The following NOL9 variants were observed in gnomAD, a reference collection of about 807,000 sequenced individuals.
NOL9 encodes polynucleotide 5'-hydroxyl-kinase NOL9.
NOL9 carries 28 observed loss-of-function variants against 67.9 expected under a neutral mutation model. The ratio of observed to expected loss-of-function variants is 0.41; its 90% CI spans 0.31 to 0.57. NOL9 has a LOEUF of 0.57. Among genes scored for constraint, NOL9 ranks in the 20% least tolerant of loss-of-function variants. The probability of loss-of-function intolerance (pLI) is 0.25; values close to 1 mark genes in which losing one functional copy is unlikely to be tolerated. For missense variants in NOL9, 777 were observed against 897.0 expected, an observed-to-expected ratio of 0.87 and a Z score of 1.71; for synonymous variants, 356 against 352.2, an observed-to-expected ratio of 1.01 and a Z score of -0.12.
chr1:6,522,146 C>T lies in NOL9; in HGVS notation c.*3708G>A, dbSNP rs1026015266. 1.3e-5 allele frequency: 2 copies of T among 151,888 alleles called. No individual in the cohort carries two copies. The highest frequency in any genetic ancestry group is 4.8e-5 in the African/African-American group (2 of 41,332). 9.4% of individuals were successfully genotyped at this position (151,888 alleles called of 1,614,324 possible). On this transcript the variant is annotated 3_prime_UTR_variant, in exon 12 of 12. Coordinates refer to ENST00000377705, the MANE Select transcript of NOL9 (RefSeq NM_024654.5). Reference sequence around the variant, plus strand: ...GGATCACGAGGTCAGGAGCTCGAGACCAGCCTAGCCAACATAGTAAAACCC... The same window carrying T: ...GGATCACGAGGTCAGGAGCTCGAGATCAGCCTAGCCAACATAGTAAAACCC...
intron 7 of NOL9, 100 bp from the exon 8 acceptor site, chr1:6,532,860 A>C: frequency 1.7e-6 from 2 of 1,152,746 alleles, no homozygotes; most frequent in South Asian, 1.6e-5. Context: ...ATTTGTTCTA[A>C]GACAAAGAAA....
Position 6,554,394 on chromosome 1 carries a change from G to A in NOL9, c.109C>T (p.Leu37Phe). ...CGACCGCACCAGCGCAGGCTCCCGA[G>A]CCGGCGGCGGGGCCGGCGGCTGAGG... is the stretch of plus-strand genomic sequence containing the variant. ...LILSRRPRRR[L>F]GSLRWCGRRR... Residue 37 changes from leucine (L) to phenylalanine (F), a missense_variant, in exon 1 of 12, where the codon CTC becomes TTC. Transcript: ENST00000377705. 6.7e-7 allele frequency: 1 copy of A among 1,495,302 alleles called. No homozygotes were observed. Among genetic ancestry groups the A allele is most frequent in the Non-Finnish European group, 8.8e-7 (1 of 1,135,588 alleles). The allele number at this position is 1,495,302 out of a possible 1,614,324, so 92.6% of individuals were successfully genotyped here. A position where few individuals can be genotyped will look rare whatever the true frequency, so the allele number is the denominator to read the frequency against.
intron 1 of NOL9, among the ~76,000 whole-genome samples, chr1:6,552,279 G>A (rs115586802): frequency 0.013 from 1,916 of 152,188 alleles, 31 homozygotes; most frequent in African/African-American, 0.034. Flanking sequence ...ATGTACCCTG[G>A]AACTTAAAAG....
Position 6,532,055 on chromosome 1 carries a change from T to G in NOL9, c.1560A>C (p.Arg520=). The G allele has an allele frequency of 6.2e-7, 1 of 1,614,174 alleles. No individual in the cohort carries two copies. Among genetic ancestry groups the G allele is most frequent in the South Asian group, 1.1e-5 (1 of 91,086 alleles). The change falls in exon 9 of 12, where the codon CGA becomes CGC. Residue 520 remains arginine (R), a synonymous_variant. Coordinates refer to ENST00000377705, the MANE Select transcript of NOL9 (RefSeq NM_024654.5). ...TAAGGTAACTCAAGATGGACAGATCTCGAAGAATTTTGTTATGTGACTCTC... is the reference window on the plus strand; with the variant it reads ...TAAGGTAACTCAAGATGGACAGATCGCGAAGAATTTTGTTATGTGACTCTC... The part of the protein sequence containing the change: ...RNRESHNKIL[R]DLSILSYLSQ...
chr1:6,533,451 T>A lies in NOL9; in HGVS notation c.1076-10A>T. ...TGAGTGAAAGGTGGTCCTAAAAAGA[T>A]AAAGATGAGTAATCAGATGAGTAAG... On this transcript the variant is annotated splice_polypyrimidine_tract_variant and intron_variant, in intron 6 of 11. Transcript: ENST00000377705. 1 of 1,568,944 alleles carries A rather than the reference T, an allele frequency of 6.4e-7. No homozygotes were observed. Among genetic ancestry groups the A allele is most frequent in the Non-Finnish European group, 8.7e-7 (1 of 1,153,214 alleles).
chr1:6,546,748 GT>G (rs1471655933), intron 3 of NOL9, among the ~76,000 whole-genome samples: 1 of 152,066 alleles, frequency 6.6e-6, no homozygotes, highest in African/African-American at 2.4e-5. Flanking sequence ...GTTCCAGCAT[GT>G]TTTTTTCATC....
chr1:6,543,237 C>G (rs1236281069), intron 5 of NOL9, among the ~76,000 whole-genome samples: 2 of 151,510 alleles, frequency 1.3e-5, no homozygotes, highest in African/African-American at 2.4e-5. Flanking sequence ...GCTCTGTCGC[C>G]CACGCTGGAG....
Position 6,554,447 on chromosome 1 carries a change from C to T in NOL9, c.56G>A (p.Arg19Gln), listed in dbSNP as rs1298747253. ...GAGCTGGGGCCGGGCCTTGCGGACCCGCAGCCAAGTGGAACGGCAGGAACC... is the reference window on the plus strand; with the variant it reads ...GAGCTGGGGCCGGGCCTTGCGGACCTGCAGCCAAGTGGAACGGCAGGAACC... ...KRGSCRSTWL[R>Q]VRKARPQLIL... The change falls in exon 1 of 12, where the codon CGG (arginine) becomes CAG (glutamine). Residue 19 changes from arginine to glutamine, a missense_variant. This residue lies in a region of NOL9 where 364 missense variants were observed against 344.4 expected (regional missense o/e 1.06). Coordinates refer to ENST00000377705, the MANE Select transcript of NOL9 (RefSeq NM_024654.5). The T allele has an allele frequency of 6.4e-7, 1 of 1,551,666 alleles. No individual in the cohort carries two copies. Among genetic ancestry groups the T allele is most frequent in the Middle Eastern group, 2.2e-4 (1 of 4,644 alleles).
chr1:6,530,747 G>A (rs2148651091), intron 9 of NOL9, among the ~76,000 whole-genome samples: 1 of 152,340 alleles, frequency 6.6e-6, no homozygotes, highest in South Asian at 2.1e-4. Context: ...AGCTGTAAAT[G>A]AAGCACGTCT....
chr1:6,531,195 T>G (rs993700652), intron 9 of NOL9, among the ~76,000 whole-genome samples: 1 of 152,146 alleles, frequency 6.6e-6, no homozygotes, highest in Non-Finnish European at 1.5e-5. Context: ...CTACTTTTGA[T>G]GACAGTAATG....
At chr1:6,532,187 C>T in intron 8 of NOL9, 108 bp from the exon 9 acceptor site, 2 of 887,810 alleles carry the variant, frequency 2.3e-6, no homozygotes, top group Non-Finnish European at 3.6e-6. Flanking sequence ...GGCTTTCCAA[C>T]ACTGCCCCCC....
intron 3 of NOL9, among the ~76,000 whole-genome samples, chr1:6,546,905 G>A (rs1639432690): frequency 6.6e-6 from 1 of 152,124 alleles, no homozygotes; most frequent in Admixed American, 6.5e-5. Context: ...CCAGGCTCTT[G>A]ACCCCATTCC....
chr1:6,533,882 TTTTC>T (rs1223843817), intron 6 of NOL9, among the ~76,000 whole-genome samples: 9 of 151,850 alleles, frequency 5.9e-5, no homozygotes, highest in Admixed American at 1.3e-4. Context: ...TAGCCTCTAA[TTTTC>T]TTTCTTTTTT....
intron 1 of NOL9, among the ~76,000 whole-genome samples, chr1:6,551,629 TA>T (rs1261577144): frequency 6.6e-6 from 1 of 151,338 alleles, no homozygotes; most frequent in Non-Finnish European, 1.5e-5. Context: ...TAAATAAAAT[TA>T]AAAAATTTAA....
intron 5 of NOL9, among the ~76,000 whole-genome samples, chr1:6,544,504 T>C (rs913114468): frequency 6.6e-6 from 1 of 150,852 alleles, no homozygotes; most frequent in Non-Finnish European, 1.5e-5. Context: ...AGGGAAACCC[T>C]GTCTGAAAAC....
intron 3 of NOL9, among the ~76,000 whole-genome samples, chr1:6,549,087 C>CAAAAAACA (rs1389606621): frequency 1.3e-5 from 2 of 151,422 alleles, no homozygotes; most frequent in Non-Finnish European, 2.9e-5. Context: ...CATCTCAAAA[C>CAAAAAACA]AAAGAACAAA....
intron 9 of NOL9, among the ~76,000 whole-genome samples, 193 bp from the exon 10 acceptor site, chr1:6,529,364 G>C (rs1198303534): frequency 6.6e-6 from 1 of 152,146 alleles, no homozygotes; most frequent in African/African-American, 2.4e-5. Flanking sequence ...GCCGACGCGG[G>C]TGGATCACGA....
At chr1:6,542,163 ATTTT>A (rs5772238) in intron 5 of NOL9, among the ~76,000 whole-genome samples, 1 of 140,240 alleles carries the variant, frequency 7.1e-6, no homozygotes, top group East Asian at 2.1e-4. Flanking sequence ...GCTCTTTCAG[ATTTT>A]TTTTTTTTTT....
Position 6,525,502 on chromosome 1 carries a change from T to C in NOL9, c.*352A>G. 1 of 243,534 alleles carries C rather than the reference T, an allele frequency of 4.1e-6. No homozygotes were observed. The highest frequency in any genetic ancestry group is 8.0e-6 in the Non-Finnish European group (1 of 125,326). The allele number at this position is 243,534 out of a possible 1,614,324, so 15.1% of individuals were successfully genotyped here. On this transcript the variant is annotated 3_prime_UTR_variant, in exon 12 of 12. Transcript: ENST00000377705. ...GTCGGCCTTCTTCCTTCCTTCTCGGTACATTGTAATGGCCCCAGTTTCCTT... is the reference window on the plus strand; with the variant it reads ...GTCGGCCTTCTTCCTTCCTTCTCGGCACATTGTAATGGCCCCAGTTTCCTT...
Sources: allele counts gnomAD v4.1 joint callset (sites outside exome capture counted in the v4.1 genomes callset), GRCh38; gene constraint gnomAD v4.1.1; regional missense constraint gnomAD v4.1.1; transcripts MANE v1.5; gene names NCBI Gene and HGNC (gene_info 2026-07-23, HGNC 2026-07-21).